KIAA1958: variants seen among roughly 807,000 people sequenced by gnomAD.
KIAA1958 encodes the protein uncharacterized protein KIAA1958.
KIAA1958 carries 14 observed loss-of-function variants against 47.2 expected under a neutral mutation model. That is an observed-to-expected ratio of 0.30 (90% CI 0.20 to 0.46). KIAA1958 has a LOEUF of 0.46. Ranked by LOEUF, KIAA1958 falls within the 20% of genes least tolerant of loss-of-function variation. The pLI is 1.00. For missense variants in KIAA1958, 803 were observed against 909.2 expected (o/e 0.88, Z 1.50); for synonymous variants, 354 against 353.3 (o/e 1.00, Z -0.02).
In KIAA1958 at chr9:112,665,725, A is replaced by T. The variant is rs1223317779; in HGVS notation, c.*5656A>T. On this transcript the variant is annotated 3_prime_UTR_variant, in exon 4 of 4. Coordinates refer to ENST00000337530, the MANE Select transcript of KIAA1958 (RefSeq NM_133465.4). The stretch of plus-strand genomic sequence containing the variant: ...GGCGGTTCCCCAGTATTTTCTGCCT[A>T]CTGGGAACCTTCTGTCTTTATCCAA... 6.6e-6 allele frequency: 1 copy of T among 152,188 alleles called. No individual in the cohort carries two copies. The highest frequency in any genetic ancestry group is 1.5e-5 in the Non-Finnish European group (1 of 68,026). The allele number at this position is 152,188 out of a possible 1,614,324, so 9.4% of individuals were successfully genotyped here.
chr9:112,609,401 G>A (rs1332149839), intron 2 of KIAA1958, among the ~76,000 whole-genome samples: 1 of 152,074 alleles, frequency 6.6e-6, no homozygotes, highest in African/African-American at 2.4e-5. Context: ...ATAAATTTTT[G>A]ATAAATAAGC....
chr9:112,597,995 A>AC (rs893667097), intron 2 of KIAA1958, among the ~76,000 whole-genome samples: 1 of 152,254 alleles, frequency 6.6e-6, no homozygotes, highest in Non-Finnish European at 1.5e-5. Flanking sequence ...CACAGAGCTT[A>AC]CTTAATGTTA....
At position 112,641,712 on chromosome 9, in the gene KIAA1958, T is replaced by C. The variant is rs563494021; in HGVS notation, c.1172-3938T>C. Among the ~76,000 whole-genome samples, 133 of 152,286 alleles carry C rather than the reference T, an allele frequency of 8.7e-4. 1 individual carries two copies. The highest frequency in any genetic ancestry group is 3.1e-3 in the African/African-American group (127 of 41,568). The stretch of plus-strand genomic sequence containing the variant: ...TTCACCCTCATAACTTCTTATGTCT[T>C]TGCCTGCCCTGTAGGGAAGAGTCCT... On this transcript the variant is annotated intron_variant, in intron 2 of 3. Transcript: ENST00000337530.
intron 2 of KIAA1958, 63 bp downstream of exon 2, chr9:112,575,314 C>G: frequency 8.6e-7 from 1 of 1,165,172 alleles, no homozygotes; most frequent in Non-Finnish European, 1.2e-6. Context: ...GCGCCGTCAG[C>G]ACTTCTAAAA....
intron 1 of KIAA1958, among the ~76,000 whole-genome samples, chr9:112,504,915 A>G (rs561763118): frequency 1.2e-4 from 19 of 152,292 alleles, no homozygotes; most frequent in South Asian, 4.1e-4. Context: ...TAGCATGTCT[A>G]TTGCTGGAGT....
chr9:112,539,229 A>G lies in KIAA1958; in HGVS notation c.-24-34828A>G, dbSNP rs146992607. Among the ~76,000 whole-genome samples the G allele has an allele frequency of 1.8e-3, 277 of 152,370 alleles. 2 individuals are homozygous for G. The highest frequency in any genetic ancestry group is 0.014 in the Middle Eastern group (4 of 294). ...GAGACTATTGGAAACATTTGTCCAC[A>G]TAAAAACTTGTGTGTGAATTCTCAT... On this transcript the variant is annotated intron_variant, in intron 1 of 3. Coordinates refer to ENST00000337530, the MANE Select transcript of KIAA1958 (RefSeq NM_133465.4).
At chr9:112,656,290 C>T (rs1936936841) in intron 3 of KIAA1958, among the ~76,000 whole-genome samples, 1 of 145,268 alleles carries the variant, frequency 6.9e-6, no homozygotes, top group South Asian at 2.2e-4. Flanking sequence ...AGGAGAATCA[C>T]TTGAACCCAG....
chr9:112,638,811 C>G (rs1160408731), intron 2 of KIAA1958, among the ~76,000 whole-genome samples: 1 of 151,904 alleles, frequency 6.6e-6, no homozygotes, highest in Non-Finnish European at 1.5e-5. Context: ...ATATTCTTTT[C>G]TCTCTCTGCC....
chr9:112,623,342 A>C (rs1836543987), intron 2 of KIAA1958, among the ~76,000 whole-genome samples: 1 of 152,214 alleles, frequency 6.6e-6, no homozygotes, highest in African/African-American at 2.4e-5. Flanking sequence ...AATTGAGGAA[A>C]TCCAGAAAAG....
At chr9:112,527,561 A>G (rs1047088269) in intron 1 of KIAA1958, among the ~76,000 whole-genome samples, 2 of 152,208 alleles carry the variant, frequency 1.3e-5, no homozygotes, top group Non-Finnish European at 2.9e-5. Context: ...AACTGGGAAT[A>G]GGATGATTAT....
intron 3 of KIAA1958, among the ~76,000 whole-genome samples, chr9:112,653,676 G>A (rs1407202987): frequency 2.6e-5 from 4 of 152,138 alleles, no homozygotes; most frequent in African/African-American, 7.2e-5. Flanking sequence ...CAAGGCGGGC[G>A]GATCACTTGA....
intron 1 of KIAA1958, among the ~76,000 whole-genome samples, chr9:112,489,501 A>G (rs1049412163): frequency 2.0e-5 from 3 of 150,120 alleles, no homozygotes; most frequent in Non-Finnish European, 1.5e-5. Context: ...TGATAGGTAG[A>G]TAAGAATTTT....
chr9:112,612,419 G>A (rs573830088), intron 2 of KIAA1958, among the ~76,000 whole-genome samples: 37 of 152,046 alleles, frequency 2.4e-4, no homozygotes, highest in Middle Eastern at 3.4e-3. Context: ...AATAAATATT[G>A]TTGTAATGAA....
intron 1 of KIAA1958, among the ~76,000 whole-genome samples, chr9:112,556,710 T>C (rs1316494679): frequency 2.0e-5 from 3 of 152,232 alleles, no homozygotes; most frequent in Non-Finnish European, 4.4e-5. Flanking sequence ...ATGAAAACGA[T>C]GCATACTTGT....
Position 112,661,828 on chromosome 9 carries a change from C to G in KIAA1958, c.*1759C>G, listed in dbSNP as rs1837282821. 1 of 152,088 alleles carries G rather than the reference C, an allele frequency of 6.6e-6. No homozygotes were observed. The highest frequency in any genetic ancestry group is 6.5e-5 in the Admixed American group (1 of 15,270). The allele number at this position is 152,088 out of a possible 1,614,324, so 9.4% of individuals were successfully genotyped here. On this transcript the variant is annotated 3_prime_UTR_variant, in exon 4 of 4. Coordinates refer to ENST00000337530, the MANE Select transcript of KIAA1958 (RefSeq NM_133465.4). ...TCACATAACGTTCTGGTGTGGTTTC[C>G]TGTAGTGATCTTAGGGTTTTGATTT...
chr9:112,642,683 T>C lies in KIAA1958; in HGVS notation c.1172-2967T>C, dbSNP rs981963419. ...AATCATTCACATCTTCGTTTAGTAG[T>C]TCCCGCTTTTTCCTGTGTTCAGTTA... On this transcript the variant is annotated intron_variant, in intron 2 of 3. Transcript: ENST00000337530. Among the ~76,000 whole-genome samples the C allele has an allele frequency of 2.6e-5, 4 of 152,240 alleles. No individual in the cohort carries two copies. In the East Asian group the frequency reaches 7.7e-4, roughly 29 times the overall value.
chr9:112,552,761 G>T (rs565161898), intron 1 of KIAA1958, among the ~76,000 whole-genome samples: 4 of 151,624 alleles, frequency 2.6e-5, no homozygotes, highest in Admixed American at 2.6e-4. Context: ...CTCAGGAAGC[G>T]AGAGGGAGGA....
intron 1 of KIAA1958, among the ~76,000 whole-genome samples, chr9:112,527,905 C>G (rs1466293929): frequency 6.7e-6 from 1 of 149,136 alleles, no homozygotes; most frequent in Non-Finnish European, 1.5e-5. Flanking sequence ...CCACTGTACT[C>G]CAGCCTGGGT....
Position 112,525,941 on chromosome 9 carries a change from T to TCTC in KIAA1958, c.-25+38825_-25+38826insCCT, listed in dbSNP as rs1564159428. Reference sequence around the variant, plus strand: ...TCTTTCTTCTTCTTCTTCTTCTTCTTCTTCTTCTTCTTCTTCTTCTTCTTC... The same window carrying TCTC: ...TCTTTCTTCTTCTTCTTCTTCTTCTTCTCCTTCTTCTTCTTCTTCTTCTTCTTC... On this transcript the variant is annotated intron_variant, in intron 1 of 3. Coordinates refer to ENST00000337530, the MANE Select transcript of KIAA1958 (RefSeq NM_133465.4). 1.2e-3 allele frequency among the ~76,000 whole-genome samples: 16 copies of TCTC among 12,868 alleles called. 2 individuals carry two copies. The highest frequency in any genetic ancestry group is 8.0e-3 in the African/African-American group (14 of 1,746). 8.4% of individuals were successfully genotyped at this position (12,868 alleles called of 152,430 possible).
Sources: allele counts gnomAD v4.1 joint callset (sites outside exome capture counted in the v4.1 genomes callset), GRCh38; gene constraint gnomAD v4.1.1; transcripts MANE v1.5; gene names NCBI Gene and HGNC (gene_info 2026-07-23, HGNC 2026-07-21).